ARHGEF11: variants seen among roughly 807,000 people sequenced by gnomAD.
The protein encoded by ARHGEF11 is Rho guanine nucleotide exchange factor 11.
A neutral mutation model predicts 193.7 loss-of-function variants in ARHGEF11; 55 were observed. That is an observed-to-expected ratio of 0.28 (90% CI 0.23 to 0.36). The LOEUF (loss-of-function observed/expected upper bound fraction) is 0.36, where lower values mean the gene tolerates loss of function less well. Ranked by LOEUF, ARHGEF11 falls within the 10% of genes least tolerant of loss-of-function variation. ARHGEF11 has a pLI of 1.00. For synonymous variants in ARHGEF11, 693 were observed against 768.0 expected (o/e 0.90, Z 1.62); for missense variants, 1,723 against 2,005.6 (o/e 0.86, Z 2.69).
intron 32 of ARHGEF11, among the ~76,000 whole-genome samples, chr1:156,943,336 CA>C (rs780175972): frequency 1.3e-5 from 2 of 152,346 alleles, no homozygotes; most frequent in Non-Finnish European, 2.9e-5. Context: ...GCTGGGATTA[CA>C]GGCATGAGCC....
chr1:156,978,447 A>G, intron 5 of ARHGEF11, 65 bp from the exon 6 acceptor site: 1 of 1,510,084 alleles, frequency 6.6e-7, no homozygotes, highest in Non-Finnish European at 8.8e-7. Context: ...CCAGCTATAC[A>G]GGAGGGGGCT....
chr1:156,938,376 C>T (rs1655979940), intron 38 of ARHGEF11, 42 bp downstream of exon 38: 1 of 1,583,834 alleles, frequency 6.3e-7, no homozygotes, highest in African/African-American at 1.3e-5. Context: ...GTTCCACACT[C>T]CAGTCTTGGC....
chr1:157,033,281 G>A (rs1192873494), intron 1 of ARHGEF11, among the ~76,000 whole-genome samples: 1 of 151,888 alleles, frequency 6.6e-6, no homozygotes, highest in African/African-American at 2.4e-5. Context: ...GTACTATGCA[G>A]TAGCCCAAGA....
rs200020348 is a variant in ARHGEF11, at chr1:156,938,541, G to A, written c.4097-28C>T. The stretch of plus-strand genomic sequence containing the variant: ...GCACCGACACCACCACCACCAGGAA[G>A]AGGAGAGACCAAAACACAAGGAAAG... On this transcript the variant is annotated intron_variant, in intron 37 of 40. Coordinates refer to ENST00000368194, the MANE Select transcript of ARHGEF11 (RefSeq NM_198236.3). The A allele has an allele frequency of 3.7e-6, 6 of 1,605,868 alleles. No individual in the cohort carries two copies. The Admixed American group carries it at 1.0e-4, about 27-fold the overall frequency.
chr1:156,939,404 T>C, intron 37 of ARHGEF11, 144 bp downstream of exon 37: 3 of 1,128,698 alleles, frequency 2.7e-6, no homozygotes, highest in Non-Finnish European at 3.8e-6. Context: ...GATATCGGCG[T>C]TGTCTCCTTC....
At chr1:157,012,301 T>C (rs148061732) in intron 1 of ARHGEF11, among the ~76,000 whole-genome samples, 32 of 151,966 alleles carry the variant, frequency 2.1e-4, no homozygotes, top group African/African-American at 7.0e-4. Flanking sequence ...AGACAGAGAG[T>C]AGATTAATGG....
At position 156,948,511 on chromosome 1, in the gene ARHGEF11, G is replaced by A. The variant is rs925222820; in HGVS notation, c.1926-13C>T. 2 of 1,614,068 alleles carry A rather than the reference G, an allele frequency of 1.2e-6. No individual in the cohort carries two copies. The highest frequency in any genetic ancestry group is 1.7e-6 in the Non-Finnish European group (2 of 1,180,006). The stretch of plus-strand genomic sequence containing the variant: ...CTCTGAGCGTGAACTGGGGGGAAGG[G>A]ACAAAAGACTTTGGGACTTGGGAAG... On this transcript the variant is annotated splice_polypyrimidine_tract_variant and intron_variant, in intron 22 of 40. Coordinates refer to ENST00000368194, the MANE Select transcript of ARHGEF11 (RefSeq NM_198236.3). This position sits in a 1 kb window ranked among gnomAD's most constrained non-coding sequence, Gnocchi z 4.2.
At position 156,940,248 on chromosome 1, in the gene ARHGEF11, G is replaced by A; in HGVS notation, c.3692C>T (p.Pro1231Leu). The A allele has an allele frequency of 6.2e-7, 1 of 1,607,572 alleles. No homozygotes were observed. Among genetic ancestry groups the A allele is most frequent in the South Asian group, 1.1e-5 (1 of 90,336 alleles). Residue 1231 changes from proline to leucine, a missense_variant, in exon 36 of 41, where the codon CCT becomes CTT. Physicochemically the swap from Pro to Leu is moderately conservative, Grantham distance 98 (BLOSUM62 -3). Transcript: ENST00000368194. ...GTCAGCGAGCCCTTCCATGAACAGA[G>A]GGCCTGGGAAGGCCAAGTGGATGGG... ...RNPIHLAFPG[P>L]LFMEGLADSA...
In ARHGEF11 at chr1:156,978,192, G is replaced by A. The variant is rs920107542; in HGVS notation, c.510+12C>T. ...CATTAGGGTGAGGAAAGAAAGCCAG[G>A]AGGATTATTACCTGCAGAGGTTTGG... On this transcript the variant is annotated intron_variant, in intron 6 of 40. Coordinates refer to ENST00000368194, the MANE Select transcript of ARHGEF11 (RefSeq NM_198236.3). 1.2e-6 allele frequency: 2 copies of A among 1,614,036 alleles called. No individual in the cohort carries two copies. The highest frequency in any genetic ancestry group is 1.7e-6 in the Non-Finnish European group (2 of 1,180,026).
At position 156,942,800 on chromosome 1, in the gene ARHGEF11, T is replaced by G. The variant is rs758764633; in HGVS notation, c.3236-20A>C. The G allele has an allele frequency of 2.7e-5, 44 of 1,608,676 alleles. No individual in the cohort carries two copies. Among genetic ancestry groups the G allele is most frequent in the Non-Finnish European group, 3.7e-5 (44 of 1,175,288 alleles). On this transcript the variant is annotated intron_variant, in intron 32 of 40. Coordinates refer to ENST00000368194, the MANE Select transcript of ARHGEF11 (RefSeq NM_198236.3). ...GTTTATCTGTGTGAGGAAAGGAAGG[T>G]AGAAGGGTCTGTACTAGGGATGGCA...
intron 1 of ARHGEF11, among the ~76,000 whole-genome samples, chr1:157,031,336 A>G (rs561766680): frequency 6.6e-6 from 1 of 152,306 alleles, no homozygotes; most frequent in South Asian, 2.1e-4. Flanking sequence ...AGGATTAGTA[A>G]AAGGATGTGT....
chr1:157,022,041 C>G (rs1293014337), intron 1 of ARHGEF11, among the ~76,000 whole-genome samples: 1 of 152,224 alleles, frequency 6.6e-6, no homozygotes, highest in Admixed American at 6.5e-5. Context: ...TAGAAATCCT[C>G]TACCTGATGA....
chr1:156,942,354 A>C (rs1657179932), intron 33 of ARHGEF11, among the ~76,000 whole-genome samples: 1 of 152,228 alleles, frequency 6.6e-6, no homozygotes. Context: ...CTGCTGTCAA[A>C]GAACATGGGC....
In ARHGEF11 at chr1:156,937,423, G is replaced by T. The variant is rs761285774; in HGVS notation, c.4266C>A (p.Ser1422Arg). ...SSTDHSEAPM[S>R]PPQPDSLPAG... ...CAGGGAGGCTGTCAGGCTGAGGGGG[G>T]CTCATGGGTGCCTCTGAGTGGTCGG... The change falls in exon 39 of 41, where the codon AGC (serine) becomes AGA (arginine). Residue 1422 changes from serine (S) to arginine (R), a missense_variant. Transcript: ENST00000368194. 6.3e-7 allele frequency: 1 copy of T among 1,579,688 alleles called. No individual in the cohort carries two copies. The highest frequency in any genetic ancestry group is 1.8e-5 in the Admixed American group (1 of 54,436).
At chr1:157,008,542 C>T (rs1668180115) in intron 1 of ARHGEF11, among the ~76,000 whole-genome samples, 1 of 152,146 alleles carries the variant, frequency 6.6e-6, no homozygotes, top group African/African-American at 2.4e-5. Flanking sequence ...TTGTAGCCTC[C>T]AGAAACTACC....
intron 1 of ARHGEF11, among the ~76,000 whole-genome samples, chr1:156,998,226 G>T (rs894211415): frequency 2.0e-5 from 3 of 152,160 alleles, no homozygotes; most frequent in African/African-American, 7.2e-5. Flanking sequence ...GAACAATCCA[G>T]CACTGCCCTA....
chr1:156,963,334 A>C, intron 12 of ARHGEF11, 30 bp from the exon 13 acceptor site: 1 of 1,597,356 alleles, frequency 6.3e-7, no homozygotes, highest in South Asian at 1.1e-5. Context: ...GCATGGTGGG[A>C]AGCCGGGCAC....
chr1:157,045,211 G>A lies in ARHGEF11; in HGVS notation c.-881C>T, dbSNP rs1293521898. ...CTCCTTTTCTTTTTCCTTTAAACTT[G>A]CAGGTTCCTCCACCTACCCCAGCCT... is the stretch of plus-strand genomic sequence containing the variant. On this transcript the variant is annotated 5_prime_UTR_variant, in exon 1 of 41. Transcript: ENST00000368194. The A allele has an allele frequency of 6.6e-6, 1 of 151,958 alleles. No individual in the cohort carries two copies. Among genetic ancestry groups the A allele is most frequent in the Non-Finnish European group, 1.5e-5 (1 of 68,022 alleles). 9.4% of individuals were successfully genotyped at this position (151,958 alleles called of 1,614,324 possible). A position where few individuals can be genotyped will look rare whatever the true frequency, so the allele number is the denominator to read the frequency against.
At chr1:157,046,367 C>A (rs1329160672), upstream of ARHGEF11, among the ~76,000 whole-genome samples, 1 of 152,194 alleles carries the variant, frequency 6.6e-6, no homozygotes, top group Non-Finnish European at 1.5e-5. Flanking sequence ...GCCCGCGCCC[C>A]GTGCCCCTGC....
Sources: gnomAD v4.1 joint callset for allele counts (sites outside exome capture counted in the v4.1 genomes callset) on GRCh38, gnomAD v4.1.1 for gene constraint, Gnocchi (gnomAD v3.1) non-coding constraint, MANE v1.5 for transcripts, NCBI Gene and HGNC (gene_info 2026-07-23, HGNC 2026-07-21) for gene names.